MYO3B: variants seen among roughly 807,000 people sequenced by gnomAD.
The protein encoded by MYO3B is myosin IIIB.
MYO3B carries 156 observed loss-of-function variants against 174.6 expected under a neutral mutation model. The observed-to-expected ratio is 0.89, with a 90% CI of 0.78 to 1.02. The LOEUF (loss-of-function observed/expected upper bound fraction) is 1.02. MYO3B is among the 50% of genes least tolerant of loss of function. MYO3B has a pLI of 0.00. For missense variants in MYO3B, 1,632 were observed against 1,639.4 expected (o/e 1.00, Z 0.08); for synonymous variants, 563 against 569.1 (o/e 0.99, Z 0.15).
chr2:170,626,354 T>G (rs1483678191), intron 32 of MYO3B, among the ~76,000 whole-genome samples: 1 of 152,222 alleles, frequency 6.6e-6, no homozygotes, highest in Non-Finnish European at 1.5e-5. Context: ...AAAGTCTGTT[T>G]TATCAGAGAC....
intron 32 of MYO3B, among the ~76,000 whole-genome samples, chr2:170,617,777 C>T (rs1400320459): frequency 2.0e-5 from 3 of 152,134 alleles, no homozygotes; most frequent in African/African-American, 4.8e-5. Context: ...ATCTCTGTGA[C>T]CTTGAGAGCA....
chr2:170,402,459 T>C (rs1355160729), intron 18 of MYO3B, among the ~76,000 whole-genome samples: 1 of 152,220 alleles, frequency 6.6e-6, no homozygotes, highest in Admixed American at 6.5e-5. Flanking sequence ...TTTCCTATAT[T>C]GTGGAGGAAT....
intron 32 of MYO3B, among the ~76,000 whole-genome samples, chr2:170,622,786 T>TTGTTCAATTC (rs371218176): frequency 0.53 from 77,794 of 145,470 alleles, 22,147 homozygotes; most frequent in Non-Finnish European, 0.65. Context: ...GGTGTTCTCA[T>TTGTTCAATTC]TGTTCAATTC....
At chr2:170,219,669 T>G (rs142480862) in intron 6 of MYO3B, among the ~76,000 whole-genome samples, 162 of 151,564 alleles carry the variant, frequency 1.1e-3, no homozygotes, top group African/African-American at 3.8e-3. Flanking sequence ...ATCTGTTGAA[T>G]GAATGAATGC....
At chr2:170,329,555 A>ATTTTTT (rs752223902) in intron 7 of MYO3B, among the ~76,000 whole-genome samples, 1 of 114,584 alleles carries the variant, frequency 8.7e-6, no homozygotes, top group African/African-American at 3.2e-5. Context: ...TGATTTTTGT[A>ATTTTTT]TTTTTTTTTT....
At chr2:170,520,766 C>T (rs1251999661) in intron 30 of MYO3B, among the ~76,000 whole-genome samples, 4 of 152,198 alleles carry the variant, frequency 2.6e-5, no homozygotes, top group South Asian at 2.1e-4. Context: ...TTAAGTCCAG[C>T]CAGGCCAGGC....
chr2:170,517,816 GA>G (rs1438063661), intron 29 of MYO3B, among the ~76,000 whole-genome samples: 1 of 152,008 alleles, frequency 6.6e-6, no homozygotes, highest in Admixed American at 6.6e-5. Flanking sequence ...GAATCTCCAA[GA>G]GGGGGGAAAA....
intron 22 of MYO3B, among the ~76,000 whole-genome samples, chr2:170,419,622 A>G (rs560464610): frequency 1.3e-5 from 2 of 152,246 alleles, no homozygotes; most frequent in Middle Eastern, 3.4e-3. Flanking sequence ...GAGCTCCTTA[A>G]TTGTGGGGCA....
Position 170,386,406 on chromosome 2 carries a change from C to G in MYO3B, c.1374+134C>G, listed in dbSNP as rs768252576. 3.8e-5 allele frequency: 25 copies of G among 649,656 alleles called. 1 individual carries two copies. The highest frequency in any genetic ancestry group is 5.4e-5 in the Non-Finnish European group (21 of 386,116). 40.2% of individuals were successfully genotyped at this position (649,656 alleles called of 1,614,324 possible). Reference sequence around the variant, plus strand: ...GACATTCCATCTTTGCTACGTTTGCCTCCTGATAGCGAGGCCTCTTAAGAT... The same window carrying G: ...GACATTCCATCTTTGCTACGTTTGCGTCCTGATAGCGAGGCCTCTTAAGAT... On this transcript the variant is annotated intron_variant, in intron 13 of 34. Coordinates refer to ENST00000408978, the MANE Select transcript of MYO3B (RefSeq NM_138995.5).
At chr2:170,451,183 A>C (rs1816670) in intron 23 of MYO3B, among the ~76,000 whole-genome samples, 12,138 of 152,312 alleles carry the variant, frequency 0.08, 572 homozygotes, top group Non-Finnish European at 0.1. Flanking sequence ...CTCTTTTTCC[A>C]GTGGACTCAA....
intron 25 of MYO3B, among the ~76,000 whole-genome samples, chr2:170,495,482 ATAAAT>A (rs1355162652): frequency 6.6e-6 from 1 of 152,204 alleles, no homozygotes; most frequent in Non-Finnish European, 1.5e-5. Context: ...TATTATCATA[ATAAAT>A]TAAGATGTTT....
intron 32 of MYO3B, among the ~76,000 whole-genome samples, chr2:170,623,976 C>G (rs943674403): frequency 1.3e-5 from 2 of 152,152 alleles, no homozygotes; most frequent in South Asian, 4.1e-4. Context: ...GTTACTGTAG[C>G]CTCGTAGTAT....
At chr2:170,550,649 A>G (rs1690816526) in intron 32 of MYO3B, among the ~76,000 whole-genome samples, 1 of 152,232 alleles carries the variant, frequency 6.6e-6, no homozygotes, top group South Asian at 2.1e-4. Flanking sequence ...ATGAAATAAG[A>G]CACTTAAGAG....
At chr2:170,255,999 G>T (rs1441008358) in intron 7 of MYO3B, among the ~76,000 whole-genome samples, 1 of 152,216 alleles carries the variant, frequency 6.6e-6, no homozygotes, top group Non-Finnish European at 1.5e-5. Context: ...TCAAAATACA[G>T]TGGAAGCCTG....
intron 7 of MYO3B, among the ~76,000 whole-genome samples, chr2:170,276,697 C>A (rs906474211): frequency 6.6e-6 from 1 of 152,102 alleles, no homozygotes; most frequent in African/African-American, 2.4e-5. Context: ...TAATTTAATG[C>A]CTGCCTAATA....
chr2:170,649,054 AAAT>A (rs1471212235), intron 32 of MYO3B, among the ~76,000 whole-genome samples: 4 of 64,440 alleles, frequency 6.2e-5, no homozygotes, highest in African/African-American at 7.5e-5. Flanking sequence ...ATATTATATA[AAAT>A]AATATATAAT....
chr2:170,416,847 G>A (rs151230563), intron 22 of MYO3B, among the ~76,000 whole-genome samples: 22,041 of 132,378 alleles, frequency 0.17, 2,408 homozygotes, highest in East Asian at 0.55. Context: ...TTTTTGAGAC[G>A]GAGTCTCGCT....
intron 8 of MYO3B, among the ~76,000 whole-genome samples, chr2:170,361,881 C>G (rs991097787): frequency 1.3e-5 from 2 of 152,182 alleles, no homozygotes; most frequent in Non-Finnish European, 2.9e-5. Context: ...GCTTGAGGAT[C>G]TAGAATTTTT....
intron 16 of MYO3B, 108 bp from the exon 17 acceptor site, chr2:170,400,080 A>G (rs1284538846): frequency 7.7e-6 from 11 of 1,419,648 alleles, no homozygotes; most frequent in Non-Finnish European, 9.7e-6. Flanking sequence ...CCAGGAAAAG[A>G]GGGAGAATGG....
Sources: gnomAD v4.1 joint callset for allele counts (sites outside exome capture counted in the v4.1 genomes callset) on GRCh38, gnomAD v4.1.1 for gene constraint, MANE v1.5 for transcripts, NCBI Gene and HGNC (gene_info 2026-07-23, HGNC 2026-07-21) for gene names.